Variants in PRR16 observed in about 807,000 individuals in gnomAD.
PRR16 encodes proline rich 16.
A neutral mutation model predicts 18.2 loss-of-function variants in PRR16; 6 were observed. That is an observed-to-expected ratio of 0.33 (90% confidence interval 0.18 to 0.65). PRR16 has a LOEUF of 0.65. PRR16 is among the 30% of genes least tolerant of loss of function. The pLI is 0.74. For missense variants in PRR16, 412 were observed against 376.6 expected (o/e 1.09, Z -0.78); for synonymous variants, 151 against 147.8 (o/e 1.02, Z -0.16).
chr5:120,744,646 T>C, the PRR16 span, among the ~76,000 whole-genome samples: 10 of 152,248 alleles, frequency 6.6e-5, no homozygotes, highest in African/African-American at 2.4e-4. Flanking sequence ...TCTTTTAAAA[T>C]AGAGCTCATG....
At chr5:120,473,446 T>C (rs1183179271) in intron 1 of PRR16, among the ~76,000 whole-genome samples, 1 of 152,198 alleles carries the variant, frequency 6.6e-6, no homozygotes, top group Non-Finnish European at 1.5e-5. Flanking sequence ...ATTGAGCACA[T>C]TATTTAATTT....
intron 1 of PRR16, among the ~76,000 whole-genome samples, chr5:120,529,593 G>A (rs147416968): frequency 1.2e-4 from 18 of 152,146 alleles, no homozygotes; most frequent in Admixed American, 4.6e-4. Context: ...ATTTACTATC[G>A]CAGAGTGCAT....
At chr5:120,655,217 A>G (rs1017546178) in intron 1 of PRR16, among the ~76,000 whole-genome samples, 2 of 151,820 alleles carry the variant, frequency 1.3e-5, no homozygotes, top group Admixed American at 6.6e-5. Flanking sequence ...TAATAATACA[A>G]TACTTAATAA....
chr5:120,770,807 AT>A, the PRR16 span, among the ~76,000 whole-genome samples: 1 of 151,960 alleles, frequency 6.6e-6, no homozygotes, highest in Non-Finnish European at 1.5e-5. Flanking sequence ...TGCTTTGTAA[AT>A]TCTTACAAAT....
chr5:120,648,023 T>G (rs1456109484), intron 1 of PRR16, among the ~76,000 whole-genome samples: 4 of 152,022 alleles, frequency 2.6e-5, no homozygotes, highest in Non-Finnish European at 5.9e-5. Context: ...ATTAGAAGAT[T>G]AAGGAAAATA....
the PRR16 span, among the ~76,000 whole-genome samples, chr5:120,786,960 T>TAAAA: frequency 6.6e-6 from 1 of 152,104 alleles, no homozygotes; most frequent in South Asian, 2.1e-4. Flanking sequence ...TTTGACCTAT[T>TAAAA]CCATCCAAAA....
At chr5:120,726,716 T>C in the PRR16 span, among the ~76,000 whole-genome samples, 1 of 152,086 alleles carries the variant, frequency 6.6e-6, no homozygotes, top group Non-Finnish European at 1.5e-5. Context: ...TGTAGGATAA[T>C]TGACAGGTCA....
chr5:120,721,561 A>G, the PRR16 span, among the ~76,000 whole-genome samples: 2 of 152,030 alleles, frequency 1.3e-5, no homozygotes, highest in Non-Finnish European at 2.9e-5. Context: ...ATCCCTAAAG[A>G]GGCAACACCC....
intron 1 of PRR16, among the ~76,000 whole-genome samples, chr5:120,508,322 G>C (rs1001417736): frequency 1.3e-5 from 2 of 152,096 alleles, no homozygotes; most frequent in Non-Finnish European, 2.9e-5. Context: ...CTTGAAATTT[G>C]ACTTCTTGTT....
chr5:120,595,811 T>C (rs1753781508), intron 1 of PRR16, among the ~76,000 whole-genome samples: 1 of 152,042 alleles, frequency 6.6e-6, no homozygotes, highest in African/African-American at 2.4e-5. Context: ...TGAAGAGTTT[T>C]GGATCTCTAA....
chr5:120,511,803 T>A (rs759464275), intron 1 of PRR16, among the ~76,000 whole-genome samples: 1 of 152,228 alleles, frequency 6.6e-6, no homozygotes, highest in Non-Finnish European at 1.5e-5. Context: ...CACAGTTTAG[T>A]GTCGAATAAC....
intron 1 of PRR16, among the ~76,000 whole-genome samples, chr5:120,544,797 T>C (rs1202378734): frequency 6.6e-6 from 1 of 152,046 alleles, no homozygotes; most frequent in African/African-American, 2.4e-5. Flanking sequence ...TCCAAAATAC[T>C]GGGATTACAG....
At chr5:120,659,746 G>T (rs1205347493) in intron 1 of PRR16, among the ~76,000 whole-genome samples, 3 of 151,906 alleles carry the variant, frequency 2.0e-5, no homozygotes, top group Non-Finnish European at 4.4e-5. Context: ...TACTTGAACG[G>T]CAGCTTGGCT....
intron 1 of PRR16, among the ~76,000 whole-genome samples, chr5:120,530,748 T>C (rs1751524972): frequency 6.6e-6 from 1 of 151,962 alleles, no homozygotes; most frequent in Admixed American, 6.6e-5. Context: ...AGGGTGAAAT[T>C]AGTTCAAAGG....
In PRR16 at chr5:120,515,843, A is replaced by G. The variant is rs75232497; in HGVS notation, c.159+51198A>G. Among the ~76,000 whole-genome samples the G allele has an allele frequency of 5.0e-3, 764 of 152,336 alleles. 12 individuals carry two copies. Among genetic ancestry groups the G allele is most frequent in the African/African-American group, 0.017 (726 of 41,570 alleles). The stretch of plus-strand genomic sequence containing the variant: ...ATTGCCTTTATAGCATTTATGTATT[A>G]TGAGAATTTTATGCTTTATTCAGTT... On this transcript the variant is annotated intron_variant, in intron 1 of 1. Transcript: ENST00000407149.
At chr5:120,734,964 G>C in the PRR16 span, among the ~76,000 whole-genome samples, 1 of 152,098 alleles carries the variant, frequency 6.6e-6, no homozygotes, top group African/African-American at 2.4e-5. Flanking sequence ...CAGATCTCCA[G>C]AATCTTTTTC....
chr5:120,764,440 T>C, the PRR16 span, among the ~76,000 whole-genome samples: 1 of 152,118 alleles, frequency 6.6e-6, no homozygotes, highest in Non-Finnish European at 1.5e-5. Flanking sequence ...TTTTTTAATG[T>C]GCTCTTGGGT....
chr5:120,569,133 G>T (rs891554713), intron 1 of PRR16, among the ~76,000 whole-genome samples: 3 of 151,910 alleles, frequency 2.0e-5, no homozygotes, highest in Non-Finnish European at 2.9e-5. Flanking sequence ...ATAAATGCTT[G>T]TAAACATTTT....
chr5:120,516,855 T>A (rs1399657011), intron 1 of PRR16, among the ~76,000 whole-genome samples: 2 of 152,146 alleles, frequency 1.3e-5, no homozygotes, highest in African/African-American at 4.8e-5. Flanking sequence ...CTGCTTTATT[T>A]CCCGTTTTAG....
Sources: allele counts gnomAD v4.1 joint callset (sites outside exome capture counted in the v4.1 genomes callset), GRCh38; gene constraint gnomAD v4.1.1; transcripts MANE v1.5; gene names NCBI Gene and HGNC (gene_info 2026-07-23, HGNC 2026-07-21).